The following PACS2 variants were observed in gnomAD, a reference collection of about 807,000 sequenced individuals.
PACS2 encodes the protein PACS1-like protein.
Under a neutral mutation model 113.0 loss-of-function variants are expected in PACS2, and 36 were observed. That is an observed-to-expected ratio of 0.32 (90% CI 0.24 to 0.42). The LOEUF is 0.42. PACS2 is among the 10% of genes least tolerant of loss of function. PACS2 has a pLI of 1.00. For synonymous variants in PACS2, 589 were observed against 536.1 expected, an observed-to-expected ratio of 1.10 and a Z score of -1.36; for missense variants, 1,015 against 1,239.5, an observed-to-expected ratio of 0.82 and a Z score of 2.72.
intron 1 of PACS2, among the ~76,000 whole-genome samples, chr14:105,332,366 G>C (rs587619547): frequency 2.7e-3 from 404 of 152,330 alleles, no homozygotes; most frequent in Admixed American, 4.6e-3. Context: ...ACGGAGCACG[G>C]GGGTTTTGCC....
Position 105,315,047 on chromosome 14 carries a change from G to T in PACS2, c.119+10G>T. On this transcript the variant is annotated intron_variant, in intron 1 of 24. Coordinates refer to ENST00000447393, the MANE Select transcript of PACS2 (RefSeq NM_001100913.3). This position sits in a 1 kb window ranked among gnomAD's most constrained non-coding sequence, Gnocchi z 4.4. ...CCAGCTGCGTGCCCAGGTACGCGCC[G>T]CCCGCCGCGCTTTGTTCCCGCCGGG... 1 of 1,167,768 alleles carries T rather than the reference G, an allele frequency of 8.6e-7. No homozygotes were observed. Among genetic ancestry groups the T allele is most frequent in the Non-Finnish European group, 1.1e-6 (1 of 937,660 alleles). 72.3% of individuals were successfully genotyped at this position (1,167,768 alleles called of 1,614,324 possible). A position where few individuals can be genotyped will look rare whatever the true frequency, so the allele number is the denominator to read the frequency against.
chr14:105,381,089 C>A lies in PACS2; in HGVS notation c.1258C>A (p.Pro420Thr). The change falls in exon 12 of 25, where the codon CCC (proline) becomes ACC (threonine). Residue 420 changes from proline (P) to threonine (T), a missense_variant. Around this residue, in one of 3 missense-constraint regions of PACS2, gnomAD observed 859 missense variants for 1,056.8 expected, o/e 0.81. Coordinates refer to ENST00000447393, the MANE Select transcript of PACS2 (RefSeq NM_001100913.3). Reference protein sequence around the residue: ...RITKTESLVIPSTRSEGKQAG... With the variant: ...RITKTESLVITSTRSEGKQAG... ...CACCAAGACAGAGTCCCTTGTCATC[C>A]CCTCCACCAGGTGATGGGGGCTGCA... 1 of 1,611,708 alleles carries A rather than the reference C, an allele frequency of 6.2e-7. No homozygotes were observed. The highest frequency in any genetic ancestry group is 8.5e-7 in the Non-Finnish European group (1 of 1,179,266).
rs1353916385 is a variant in PACS2, at chr14:105,315,391, C to T, written c.119+354C>T. ...CCGGCCGGGGTGACGAGGGTGCTTC[C>T]TCTCTCGGGTACCACACGCTTCCTT... On this transcript the variant is annotated intron_variant, in intron 1 of 24. Coordinates refer to ENST00000447393, the MANE Select transcript of PACS2 (RefSeq NM_001100913.3). This position sits in a 1 kb window ranked among gnomAD's most constrained non-coding sequence, Gnocchi z 4.4. 1.3e-5 allele frequency: 2 copies of T among 152,294 alleles called. No individual in the cohort carries two copies. Among genetic ancestry groups the T allele is most frequent in the African/African-American group, 4.8e-5 (2 of 41,458 alleles). 9.4% of individuals were successfully genotyped at this position (152,294 alleles called of 1,614,324 possible).
At chr14:105,380,859 G>C in intron 11 of PACS2, 98 bp from the exon 12 acceptor site, 1 of 1,232,668 alleles carries the variant, frequency 8.1e-7, no homozygotes, top group Non-Finnish European at 1.1e-6. Flanking sequence ...GCCTAGAGAG[G>C]CCTAAACCCT....
Position 105,330,475 on chromosome 14 carries a change from G to A in PACS2, c.119+15438G>A, listed in dbSNP as rs1008339494. ...TCACACAGGGGAAGGTTACTGTGCC[G>A]CAGAGTTTTCTTTCCGAGCACTCAA... On this transcript the variant is annotated intron_variant, in intron 1 of 24. Coordinates refer to ENST00000447393, the MANE Select transcript of PACS2 (RefSeq NM_001100913.3). This position sits in a 1 kb window ranked among gnomAD's most constrained non-coding sequence, Gnocchi z 6.9. 4.6e-5 allele frequency among the ~76,000 whole-genome samples: 7 copies of A among 152,184 alleles called. No homozygotes were observed. Among genetic ancestry groups the A allele is most frequent in the African/African-American group, 1.4e-4 (6 of 41,458 alleles).
rs2060447067 is a variant in PACS2, at chr14:105,356,360, C to T, written c.423+1183C>T. Reference sequence around the variant, plus strand: ...AGTGGCGTCCCGAGGCCTCGCTTCTCCGTGCCGCCGCAGGGCCTCAGACAA... The same window carrying T: ...AGTGGCGTCCCGAGGCCTCGCTTCTTCGTGCCGCCGCAGGGCCTCAGACAA... On this transcript the variant is annotated intron_variant, in intron 4 of 24. Transcript: ENST00000447393. This position sits in a 1 kb window ranked among gnomAD's most constrained non-coding sequence, Gnocchi z 4.0. Among the ~76,000 whole-genome samples, 1 of 152,214 alleles carries T rather than the reference C, an allele frequency of 6.6e-6. No individual in the cohort carries two copies. The highest frequency in any genetic ancestry group is 2.4e-5 in the African/African-American group (1 of 41,458).
chr14:105,376,443 TTGG>T lies in PACS2; in HGVS notation c.802-318_802-316del, dbSNP rs1443258183. On this transcript the variant is annotated intron_variant, in intron 8 of 24. Transcript: ENST00000447393. This position sits in a 1 kb window ranked among gnomAD's most constrained non-coding sequence, Gnocchi z 4.7. ...GTGGGGAGCACTTTCTGTCTTGGTT[TTGG>T]TGGTGGCTGCACAGTGGCCCACACC... Among the ~76,000 whole-genome samples the T allele has an allele frequency of 3.3e-5, 5 of 152,052 alleles. No homozygotes were observed. The highest frequency in any genetic ancestry group is 1.3e-4 in the Admixed American group (2 of 15,270).
At chr14:105,380,767 C>T (rs1358447082) in intron 11 of PACS2, among the ~76,000 whole-genome samples, 190 bp from the exon 12 acceptor site, 24 of 152,200 alleles carry the variant, frequency 1.6e-4, no homozygotes, top group African/African-American at 5.5e-4. Context: ...CTGCATGGCC[C>T]GGATGGGAGC....
chr14:105,358,058 T>G lies in PACS2; in HGVS notation c.423+2881T>G, dbSNP rs947137024. On this transcript the variant is annotated intron_variant, in intron 4 of 24. Transcript: ENST00000447393. The surrounding 1 kb of genome is among the most constrained non-coding windows in gnomAD (Gnocchi z 4.9). ...CAGGTGTCATCTCCCTTCAAATGGG[T>G]GCACACGCAGGGGGCAGGAGGGGCT... Among the ~76,000 whole-genome samples the G allele has an allele frequency of 6.6e-6, 1 of 152,022 alleles. No individual in the cohort carries two copies. Among genetic ancestry groups the G allele is most frequent in the South Asian group, 2.1e-4 (1 of 4,826 alleles).
intron 8 of PACS2, among the ~76,000 whole-genome samples, chr14:105,373,562 G>A (rs587703312): frequency 6.6e-6 from 1 of 152,372 alleles, no homozygotes; most frequent in South Asian, 2.1e-4. Flanking sequence ...TGTAACCCCA[G>A]CACTCTGGGA....
chr14:105,391,974 AG>A, intron 22 of PACS2: 1 of 576,904 alleles, frequency 1.7e-6, no homozygotes, highest in Non-Finnish European at 3.1e-6. Context: ...TCTGGGGGAC[AG>A]AAACTCCTGC....
chr14:105,316,185 C>T (rs913655762), intron 1 of PACS2, among the ~76,000 whole-genome samples: 20 of 152,210 alleles, frequency 1.3e-4, no homozygotes, highest in African/African-American at 4.8e-4. Flanking sequence ...GATGCCCACC[C>T]GGCACGACTC....
chr14:105,382,149 G>T (rs956637816), intron 13 of PACS2, 91 bp downstream of exon 13: 3 of 1,358,226 alleles, frequency 2.2e-6, no homozygotes, highest in Non-Finnish European at 3.0e-6. Flanking sequence ...AGCACAGGGG[G>T]CCAAGGGTGC....
intron 4 of PACS2, among the ~76,000 whole-genome samples, chr14:105,359,700 T>A (rs587642578): frequency 6.7e-6 from 1 of 149,936 alleles, no homozygotes; most frequent in Non-Finnish European, 1.5e-5. Context: ...CACGCCATTC[T>A]CCTGCCTCAG....
intron 14 of PACS2, 92 bp downstream of exon 14, chr14:105,382,673 G>C (rs939097315): frequency 7.3e-6 from 7 of 956,462 alleles, no homozygotes; most frequent in Non-Finnish European, 1.2e-5. Context: ...ACACCTGGGT[G>C]CTGGAGCTGC....
intron 8 of PACS2, among the ~76,000 whole-genome samples, chr14:105,373,188 C>T (rs1462863447): frequency 6.6e-5 from 10 of 152,214 alleles, no homozygotes; most frequent in Admixed American, 3.3e-4. Context: ...AATTCAAGTG[C>T]GTATCAGATT....
chr14:105,332,974 C>T (rs587622201), intron 1 of PACS2, among the ~76,000 whole-genome samples: 11 of 152,318 alleles, frequency 7.2e-5, no homozygotes, highest in South Asian at 6.2e-4. Flanking sequence ...GCTCTGCCCC[C>T]TCCCCAGGCT....
intron 8 of PACS2, chr14:105,371,772 CA>C (rs1244228989): frequency 6.6e-6 from 1 of 152,212 alleles, no homozygotes; most frequent in Non-Finnish European, 1.5e-5. Flanking sequence ...GCTGCTATAA[CA>C]AAATACTTTA....
chr14:105,315,680 C>T lies in PACS2; in HGVS notation c.119+643C>T, dbSNP rs2058572928. 1.3e-5 allele frequency: 2 copies of T among 152,324 alleles called. No individual in the cohort carries two copies. The highest frequency in any genetic ancestry group is 2.4e-5 in the African/African-American group (1 of 41,470). The allele number at this position is 152,324 out of a possible 1,614,324, so 9.4% of individuals were successfully genotyped here. On this transcript the variant is annotated intron_variant, in intron 1 of 24. Transcript: ENST00000447393. This position sits in a 1 kb window ranked among gnomAD's most constrained non-coding sequence, Gnocchi z 4.4. ...CTTGGTAGGGGGGCGCCCGGTCGCC[C>T]AGCGGTAACGATTGGACAGGGTTTA...
Sources: allele counts gnomAD v4.1 joint callset (sites outside exome capture counted in the v4.1 genomes callset), GRCh38; gene constraint gnomAD v4.1.1; regional missense constraint gnomAD v4.1.1; non-coding constraint Gnocchi (gnomAD v3.1); transcripts MANE v1.5; gene names NCBI Gene and HGNC (gene_info 2026-07-23, HGNC 2026-07-21).